Variants in LRRC37A2 observed in about 807,000 individuals in gnomAD.
The protein encoded by LRRC37A2 is leucine-rich repeat-containing protein 37A2.
A neutral mutation model predicts 68.8 loss-of-function variants in LRRC37A2; 9 were observed. That is an observed-to-expected ratio of 0.13 (90% CI 0.08 to 0.23). The LOEUF (loss-of-function observed/expected upper bound fraction) is 0.23. LRRC37A2 is among the 10% of genes least tolerant of loss of function. The probability of loss-of-function intolerance (pLI) is 1.00; values close to 1 mark genes in which losing one functional copy is unlikely to be tolerated. For synonymous variants in LRRC37A2, 63 were observed against 367.6 expected (o/e 0.17, Z 9.48); for missense variants, 168 against 950.4 (o/e 0.18, Z 10.82).
chr17:47,005,460 T>C, the LRRC37A2 span, among the ~76,000 whole-genome samples: 363 of 152,304 alleles, frequency 2.4e-3, 1 homozygote, highest in African/African-American at 8.2e-3. Flanking sequence ...GCAGTGTTTT[T>C]TGAGGGTTAA....
At chr17:46,498,991 A>G in the LRRC37A2 span, among the ~76,000 whole-genome samples, 2 of 150,474 alleles carry the variant, frequency 1.3e-5, no homozygotes, top group African/African-American at 2.5e-5. Context: ...ATGCATTTTA[A>G]AGTGCTTAGC....
chr17:46,769,481 A>G, the LRRC37A2 span, among the ~76,000 whole-genome samples: 1 of 152,184 alleles, frequency 6.6e-6, no homozygotes, highest in Non-Finnish European at 1.5e-5. Context: ...AGGACTTGAC[A>G]GCCCTACACC....
At chr17:46,716,295 C>A in the LRRC37A2 span, among the ~76,000 whole-genome samples, 1 of 146,738 alleles carries the variant, frequency 6.8e-6, no homozygotes, top group Non-Finnish European at 1.5e-5. Context: ...CTTGCTCTGT[C>A]GCCCAGGCTG....
the LRRC37A2 span, among the ~76,000 whole-genome samples, chr17:46,899,331 C>G: frequency 0.1 from 15,792 of 151,880 alleles, 2,294 homozygotes; most frequent in African/African-American, 0.33. Flanking sequence ...TTGAGCCCAG[C>G]GGGGCAGAGG....
chr17:46,622,375 G>A, the LRRC37A2 span, among the ~76,000 whole-genome samples: 251 of 150,126 alleles, frequency 1.7e-3, 1 homozygote, highest in Admixed American at 3.9e-3. Flanking sequence ...GGAGAATGGC[G>A]TGAACCCGGG....
At chr17:46,555,792 G>GA (rs2057239899), downstream of LRRC37A2, 4 of 209,574 alleles carry the variant, frequency 1.9e-5, no homozygotes, top group Non-Finnish European at 2.9e-5. Context: ...GCCGCCTGGG[G>GA]AGAGTCCATG....
the LRRC37A2 span, among the ~76,000 whole-genome samples, chr17:46,904,607 G>C: frequency 1.1e-4 from 17 of 152,176 alleles, no homozygotes; most frequent in East Asian, 7.7e-4. Context: ...CAGGTGAGTG[G>C]GTGGGTAGAT....
At chr17:46,899,308 G>A in the LRRC37A2 span, among the ~76,000 whole-genome samples, 1 of 152,100 alleles carries the variant, frequency 6.6e-6, no homozygotes, top group Non-Finnish European at 1.5e-5. Context: ...GGAGGCTGAG[G>A]TGGGAGGATG....
At chr17:46,876,118 G>A in the LRRC37A2 span, 1 of 875,000 alleles carries the variant, frequency 1.1e-6, no homozygotes, top group South Asian at 1.8e-5. Context: ...GGGAGGAGCT[G>A]GGGCTGAGAC....
the LRRC37A2 span, among the ~76,000 whole-genome samples, chr17:46,635,853 A>G: frequency 1.4e-4 from 18 of 131,334 alleles, 1 homozygote; most frequent in African/African-American, 4.8e-4. Context: ...GAGTAGCAAT[A>G]GACTCTTTCT....
chr17:46,990,796 A>G, the LRRC37A2 span, among the ~76,000 whole-genome samples: 6 of 151,996 alleles, frequency 3.9e-5, no homozygotes, highest in East Asian at 9.7e-4. Flanking sequence ...TCAGCCTCCC[A>G]AGAAGCTGAG....
At chr17:46,833,358 G>A in the LRRC37A2 span, 57 of 518,480 alleles carry the variant, frequency 1.1e-4, no homozygotes, top group African/African-American at 6.9e-4. Context: ...GAAAGGACGG[G>A]CAGTTTCTTT....
chr17:46,754,049 A>G, the LRRC37A2 span, among the ~76,000 whole-genome samples: 3 of 151,948 alleles, frequency 2.0e-5, no homozygotes, highest in Non-Finnish European at 4.4e-5. Context: ...TTTTAATTCC[A>G]TAGCTACAGG....
exon 10 of LRRC37A2, chr17:46,549,129 A>G: frequency 6.2e-7 from 1 of 1,611,624 alleles, no homozygotes; most frequent in South Asian, 1.1e-5. Context: ...TCAGAAAGAA[A>G]AGTTATCTGA....
the LRRC37A2 span, among the ~76,000 whole-genome samples, chr17:46,855,721 C>A: frequency 6.6e-6 from 1 of 152,172 alleles, no homozygotes; most frequent in African/African-American, 2.4e-5. Context: ...TATTTAGAGA[C>A]GGAGTCTCGC....
chr17:46,798,512 C>T, the LRRC37A2 span, among the ~76,000 whole-genome samples: 265 of 152,332 alleles, frequency 1.7e-3, 1 homozygote, highest in Middle Eastern at 6.8e-3. Flanking sequence ...GCCAGCCATA[C>T]CATTGGCACA....
the LRRC37A2 span, among the ~76,000 whole-genome samples, chr17:46,919,090 G>A: frequency 6.6e-6 from 1 of 152,174 alleles, no homozygotes; most frequent in South Asian, 2.1e-4. Flanking sequence ...GTATATTAAA[G>A]AGCTTCTATG....
chr17:46,709,251 A>T, the LRRC37A2 span, among the ~76,000 whole-genome samples: 1 of 152,160 alleles, frequency 6.6e-6, no homozygotes, highest in African/African-American at 2.4e-5. Context: ...TTCAAAAGTA[A>T]CTCCAAGATT....
the LRRC37A2 span, among the ~76,000 whole-genome samples, chr17:46,793,348 T>C: frequency 1.4e-5 from 2 of 146,814 alleles, no homozygotes; most frequent in South Asian, 2.2e-4. Context: ...AGCATGTTCA[T>C]GGAAGGCTAA....
Sources: allele counts gnomAD v4.1 joint callset (sites outside exome capture counted in the v4.1 genomes callset), GRCh38; gene constraint gnomAD v4.1.1; transcripts MANE v1.5; gene names NCBI Gene and HGNC (gene_info 2026-07-23, HGNC 2026-07-21).